The following PSTPIP2 variants were observed in gnomAD, a reference collection of about 807,000 sequenced individuals.
PSTPIP2 encodes proline-serine-threonine phosphatase interacting protein 2, also known as proline-serine-threonine phosphatase-interacting protein 2.
In PSTPIP2, 33 loss-of-function variants were observed where a neutral mutation model predicts 63.3. The ratio of observed to expected loss-of-function variants is 0.52; its 90% CI spans 0.40 to 0.70. PSTPIP2 has a LOEUF of 0.70. PSTPIP2 is among the 30% of genes least tolerant of loss of function. The pLI, the probability that PSTPIP2 is intolerant of heterozygous loss-of-function variation, is 0.00. For missense variants in PSTPIP2, 312 were observed against 400.7 expected (o/e 0.78, Z 1.89); for synonymous variants, 125 against 132.7 (o/e 0.94, Z 0.40).
chr18:46,015,783 T>C (rs995639493), intron 4 of PSTPIP2, 120 bp downstream of exon 4: 10 of 1,090,134 alleles, frequency 9.2e-6, no homozygotes, highest in African/African-American at 4.8e-5. Context: ...ACCTTAGGAG[T>C]TGCTCTAATT....
chr18:45,991,259 CTA>C (rs1350184517), intron 12 of PSTPIP2, among the ~76,000 whole-genome samples: 1 of 152,174 alleles, frequency 6.6e-6, no homozygotes, highest in Admixed American at 6.5e-5. Flanking sequence ...TGCAAGCTGA[CTA>C]TGTCAAACAG....
At chr18:46,064,832 T>C (rs1246744923) in intron 1 of PSTPIP2, among the ~76,000 whole-genome samples, 4 of 152,138 alleles carry the variant, frequency 2.6e-5, no homozygotes, top group Non-Finnish European at 5.9e-5. Flanking sequence ...ACGAATGACA[T>C]GCACCACATT....
chr18:46,000,760 A>T (rs1240706265), intron 6 of PSTPIP2, among the ~76,000 whole-genome samples: 2 of 152,230 alleles, frequency 1.3e-5, no homozygotes, highest in Non-Finnish European at 2.9e-5. Context: ...AGTATTATGG[A>T]AACAGATCAC....
chr18:46,046,699 G>T (rs1908396363), intron 1 of PSTPIP2, among the ~76,000 whole-genome samples: 2 of 152,224 alleles, frequency 1.3e-5, no homozygotes, highest in Non-Finnish European at 2.9e-5. Flanking sequence ...AGAATGGGGA[G>T]GTGAGAGAAT....
intron 1 of PSTPIP2, among the ~76,000 whole-genome samples, chr18:46,045,641 C>T (rs2144117047): frequency 6.6e-6 from 1 of 150,936 alleles, no homozygotes; most frequent in East Asian, 1.9e-4. Context: ...TGCACATGTA[C>T]CCTAAAACTT....
chr18:46,025,291 C>T (rs1907536524), intron 2 of PSTPIP2, among the ~76,000 whole-genome samples: 1 of 151,986 alleles, frequency 6.6e-6, no homozygotes, highest in African/African-American at 2.4e-5. Flanking sequence ...CTTTTTTCTT[C>T]AGATTTAAAA....
intron 1 of PSTPIP2, among the ~76,000 whole-genome samples, chr18:46,045,548 T>C (rs1216619925): frequency 1.3e-5 from 2 of 152,050 alleles, no homozygotes; most frequent in Non-Finnish European, 2.9e-5. Context: ...CTTTAGGAGA[T>C]ATACCTAATG....
chr18:46,067,364 G>A (rs1909229876), intron 1 of PSTPIP2, among the ~76,000 whole-genome samples: 1 of 151,806 alleles, frequency 6.6e-6, no homozygotes, highest in African/African-American at 2.4e-5. Flanking sequence ...TTAGCCGGGC[G>A]TGGTGGCGGG....
chr18:46,032,467 T>C (rs1907819125), intron 2 of PSTPIP2, among the ~76,000 whole-genome samples: 1 of 152,070 alleles, frequency 6.6e-6, no homozygotes, highest in South Asian at 2.1e-4. Context: ...CAGCAACCCA[T>C]GACAGGCTGG....
At chr18:46,017,212 TA>T (rs1299644588) in intron 3 of PSTPIP2, among the ~76,000 whole-genome samples, 1 of 152,188 alleles carries the variant, frequency 6.6e-6, no homozygotes, top group African/African-American at 2.4e-5. Context: ...CTCAGTATTT[TA>T]AAGACATAAT....
At chr18:46,003,604 C>CT (rs1410725056) in intron 6 of PSTPIP2, among the ~76,000 whole-genome samples, 1 of 151,494 alleles carries the variant, frequency 6.6e-6, no homozygotes, top group African/African-American at 2.4e-5. Flanking sequence ...AATTTTTGGT[C>CT]TATGACCATT....
intron 1 of PSTPIP2, among the ~76,000 whole-genome samples, chr18:46,070,744 T>C (rs1256931024): frequency 6.6e-6 from 1 of 152,112 alleles, no homozygotes; most frequent in East Asian, 1.9e-4. Context: ...GGTCTCGAAC[T>C]CCTGGCCTCA....
chr18:46,005,754 A>G (rs946588494), intron 5 of PSTPIP2, among the ~76,000 whole-genome samples: 2 of 152,226 alleles, frequency 1.3e-5, no homozygotes, highest in Non-Finnish European at 2.9e-5. Context: ...CCAAAGCCTG[A>G]ACTCTCAGAC....
chr18:46,065,674 C>T (rs962742933), intron 1 of PSTPIP2, among the ~76,000 whole-genome samples: 5 of 152,170 alleles, frequency 3.3e-5, no homozygotes, highest in Admixed American at 6.6e-5. Context: ...ACCATATCGG[C>T]CAGGCTGGTC....
intron 2 of PSTPIP2, among the ~76,000 whole-genome samples, chr18:46,026,857 A>G (rs1599725065): frequency 1.3e-5 from 2 of 152,222 alleles, no homozygotes; most frequent in East Asian, 3.8e-4. Context: ...GGAAAAGTAC[A>G]AAGAAGAAAA....
At chr18:46,005,907 C>T (rs1268611732) in intron 5 of PSTPIP2, among the ~76,000 whole-genome samples, 4 of 152,188 alleles carry the variant, frequency 2.6e-5, no homozygotes, top group African/African-American at 9.7e-5. Flanking sequence ...TATAAGTATA[C>T]ATCAGCACAG....
At chr18:45,985,607 G>A (rs558268609) in intron 14 of PSTPIP2, among the ~76,000 whole-genome samples, 157 bp from the exon 15 acceptor site, 8 of 152,044 alleles carry the variant, frequency 5.3e-5, no homozygotes, top group Non-Finnish European at 1.0e-4. Flanking sequence ...GGAATGTGAC[G>A]ATAACAGCAT....
At chr18:46,067,457 C>A (rs1337167114) in intron 1 of PSTPIP2, among the ~76,000 whole-genome samples, 2 of 149,352 alleles carry the variant, frequency 1.3e-5, no homozygotes, top group Non-Finnish European at 3.0e-5. Context: ...GACCCGAGAT[C>A]GCACCACTGG....
rs1055424418 is a variant in PSTPIP2, at chr18:46,028,539, G to A, written c.135-3853C>T. 1.2e-5 allele frequency: 8 copies of A among 677,778 alleles called. No homozygotes were observed. The East Asian group carries it at 3.0e-4, about 26-fold the overall frequency. 42.0% of individuals were successfully genotyped at this position (677,778 alleles called of 1,614,324 possible). A position where few individuals can be genotyped will look rare whatever the true frequency, so the allele number is the denominator to read the frequency against. On this transcript the variant is annotated intron_variant, in intron 2 of 14. Coordinates refer to ENST00000409746, the MANE Select transcript of PSTPIP2 (RefSeq NM_024430.4). ...GGACACGCTGCTGCGGCGTCTGCGG[G>A]GTCCGTGGGTTCAAGGACATGAAGA...
Sources: gnomAD v4.1 joint callset for allele counts (sites outside exome capture counted in the v4.1 genomes callset) on GRCh38, gnomAD v4.1.1 for gene constraint, MANE v1.5 for transcripts, NCBI Gene and HGNC (gene_info 2026-07-23, HGNC 2026-07-21) for gene names.